The following DUSP4 variants were observed in gnomAD, a reference collection of about 807,000 sequenced individuals.
DUSP4 encodes the protein dual specificity phosphatase 4.
DUSP4 carries 12 observed loss-of-function variants against 27.2 expected under a neutral mutation model. The ratio of observed to expected loss-of-function variants is 0.44; its 90% CI spans 0.28 to 0.71. DUSP4 has a LOEUF of 0.71. Ranked by LOEUF, DUSP4 falls within the 30% of genes least tolerant of loss-of-function variation. The probability of loss-of-function intolerance (pLI) is 0.14; values close to 1 mark genes in which losing one functional copy is unlikely to be tolerated. For synonymous variants in DUSP4, 257 were observed against 245.2 expected (o/e 1.05, Z -0.45); for missense variants, 448 against 551.3 (o/e 0.81, Z 1.88).
intron 1 of DUSP4, among the ~76,000 whole-genome samples, chr8:29,345,003 G>A (rs796193873): frequency 6.6e-6 from 1 of 152,012 alleles, no homozygotes; most frequent in Non-Finnish European, 1.5e-5. Context: ...CATCTCGCCC[G>A]GCTAATTTTT....
Position 29,337,521 on chromosome 8 carries a change from G to C in DUSP4, c.800-110C>G. 7.0e-7 allele frequency: 1 copy of C among 1,436,188 alleles called. No homozygotes were observed. Among genetic ancestry groups the C allele is most frequent in the South Asian group, 1.4e-5 (1 of 72,012 alleles). 89.0% of individuals were successfully genotyped at this position (1,436,188 alleles called of 1,614,324 possible). The stretch of plus-strand genomic sequence containing the variant: ...GGGCTCTGAAGGAAGGACTAGCCGT[G>C]CTAGACCAAGGACTGGAGAGGAAGA... On this transcript the variant is annotated intron_variant, in intron 3 of 3. Transcript: ENST00000240100. This position sits in a 1 kb window ranked among gnomAD's most constrained non-coding sequence, Gnocchi z 6.4.
intron 2 of DUSP4, among the ~76,000 whole-genome samples, chr8:29,338,960 G>A (rs966282201): frequency 6.6e-6 from 1 of 152,204 alleles, no homozygotes; most frequent in South Asian, 2.1e-4. Context: ...AGGAGGCTGA[G>A]GTGGCAGGAT....
At chr8:29,348,679 CA>C in intron 1 of DUSP4, 1 of 985,424 alleles carries the variant, frequency 1.0e-6, no homozygotes, top group Non-Finnish European at 1.2e-6. Context: ...GCCCCCTTTC[CA>C]GCTCCCTTCC....
rs370187195 is a variant in DUSP4, at chr8:29,337,951, A to AAAAT, written c.799+327_799+330dup. Among the ~76,000 whole-genome samples, 2 of 152,122 alleles carry AAAAT rather than the reference A, an allele frequency of 1.3e-5. No individual in the cohort carries two copies. The highest frequency in any genetic ancestry group is 1.9e-4 in the East Asian group (1 of 5,196). ...GGGCAACAGAGCAAGGCTCTGTCTC[A>AAAAT]AAATAAATAAATAAATAGAAATAAA... On this transcript the variant is annotated intron_variant, in intron 3 of 3. Coordinates refer to ENST00000240100, the MANE Select transcript of DUSP4 (RefSeq NM_001394.7). This position sits in a 1 kb window ranked among gnomAD's most constrained non-coding sequence, Gnocchi z 6.4.
intron 1 of DUSP4, chr8:29,347,697 G>A: frequency 2.1e-6 from 2 of 963,950 alleles, no homozygotes; most frequent in Non-Finnish European, 2.5e-6. Flanking sequence ...CCGACTACGA[G>A]AGGCAGTGCA....
intron 2 of DUSP4, among the ~76,000 whole-genome samples, chr8:29,339,235 A>G (rs1025642852): frequency 1.3e-5 from 2 of 152,218 alleles, no homozygotes; most frequent in Non-Finnish European, 2.9e-5. Flanking sequence ...CAGACAAGAG[A>G]GAGGATCTTG....
At chr8:29,346,444 G>A (rs1817735747) in intron 1 of DUSP4, among the ~76,000 whole-genome samples, 1 of 152,138 alleles carries the variant, frequency 6.6e-6, no homozygotes, top group African/African-American at 2.4e-5. Context: ...AAAGAATAGG[G>A]TAAGAAAAAG....
At position 29,337,405 on chromosome 8, in the gene DUSP4, A is replaced by G. The variant is rs749054331; in HGVS notation, c.806T>C (p.Val269Ala). The G allele has an allele frequency of 6.2e-7, 1 of 1,603,304 alleles. No individual in the cohort carries two copies. Among genetic ancestry groups the G allele is most frequent in the Non-Finnish European group, 8.5e-7 (1 of 1,177,508 alleles). Residue 269 changes from valine to alanine, a missense_variant, in exon 4 of 4, where the codon GTG becomes GCG. By Grantham distance (64) the Val-to-Ala change is moderately conservative. Transcript: ENST00000240100. The surrounding 1 kb of genome is among the most constrained non-coding windows in gnomAD (Gnocchi z 6.4). The stretch of plus-strand genomic sequence containing the variant: ...CAGCACGCGCCCACGGCAGTCCTTC[A>G]CGGCATCTGGGGACAGGGTTCAATA... ...FMEAIEYIDA[V>A]KDCRGRVLVH... is the part of the protein sequence containing the mutation.
intron 1 of DUSP4, chr8:29,345,782 T>C: frequency 6.3e-6 from 8 of 1,263,404 alleles, no homozygotes; most frequent in Non-Finnish European, 7.9e-6. Context: ...CCTACATCTG[T>C]CTTTAGTTAC....
In DUSP4 at chr8:29,337,454, C is replaced by CCCAGCCCCGACCAGGGGCACCGG. The variant is rs745783011; in HGVS notation, c.800-66_800-44dup. 15 of 1,541,566 alleles carry CCCAGCCCCGACCAGGGGCACCGG rather than the reference C, an allele frequency of 9.7e-6. No individual in the cohort carries two copies. The highest frequency in any genetic ancestry group is 2.7e-5 in the African/African-American group (2 of 73,384). On this transcript the variant is annotated intron_variant, in intron 3 of 3. Coordinates refer to ENST00000240100, the MANE Select transcript of DUSP4 (RefSeq NM_001394.7). This position sits in a 1 kb window ranked among gnomAD's most constrained non-coding sequence, Gnocchi z 6.4. ...TAGGTTAGTGCACGTTTCTGCAGACCCCAGCCCCGACCAGGGGCACCGGCC... is the reference window on the plus strand; with the variant it reads ...TAGGTTAGTGCACGTTTCTGCAGACCCCAGCCCCGACCAGGGGCACCGGCCAGCCCCGACCAGGGGCACCGGCC...
chr8:29,346,528 G>A (rs1335716424), intron 1 of DUSP4, among the ~76,000 whole-genome samples: 1 of 152,088 alleles, frequency 6.6e-6, no homozygotes, highest in Admixed American at 6.5e-5. Flanking sequence ...AGAGAGAAAG[G>A]GATTTCAAGA....
chr8:29,346,050 G>A, intron 1 of DUSP4: 1 of 985,334 alleles, frequency 1.0e-6, no homozygotes, highest in Non-Finnish European at 1.2e-6. Context: ...CTGGGGAACT[G>A]AAGACAGAGA....
chr8:29,343,181 A>G (rs1817680095), intron 1 of DUSP4, among the ~76,000 whole-genome samples: 1 of 151,562 alleles, frequency 6.6e-6, no homozygotes, highest in Non-Finnish European at 1.5e-5. Context: ...AAAAAAAAAA[A>G]AAAAAGGAAC....
chr8:29,347,756 G>C (rs1216534165), intron 1 of DUSP4: 2 of 985,526 alleles, frequency 2.0e-6, no homozygotes, highest in Non-Finnish European at 2.4e-6. Context: ...TGTTGGCCAG[G>C]CACCTCGCCA....
chr8:29,340,437 G>C (rs192226367), intron 1 of DUSP4, among the ~76,000 whole-genome samples, 194 bp from the exon 2 acceptor site: 1 of 152,160 alleles, frequency 6.6e-6, no homozygotes, highest in African/African-American at 2.4e-5. Flanking sequence ...GGACACACTC[G>C]TCAGGACTGC....
intron 1 of DUSP4, among the ~76,000 whole-genome samples, chr8:29,344,897 G>A (rs114757595): frequency 0.01 from 1,588 of 151,846 alleles, 24 homozygotes; most frequent in African/African-American, 0.037. Context: ...CTGCAGTGCA[G>A]TGGCACGATT....
chr8:29,341,563 A>G (rs1349331728), intron 1 of DUSP4, among the ~76,000 whole-genome samples: 2 of 152,154 alleles, frequency 1.3e-5, no homozygotes, highest in Admixed American at 1.3e-4. Flanking sequence ...CTCTCTGGTC[A>G]CAGGCCCTTG....
intron 1 of DUSP4, chr8:29,347,873 G>C (rs1817757647): frequency 1.0e-6 from 1 of 985,690 alleles, no homozygotes. Flanking sequence ...AAATGGAGGA[G>C]GTTGGGGAGG....
intron 1 of DUSP4, chr8:29,345,919 A>G: frequency 2.0e-6 from 2 of 1,003,354 alleles, no homozygotes; most frequent in African/African-American, 3.5e-5. Flanking sequence ...GCATTGTATT[A>G]CATTTGTAAG....
Sources: allele counts gnomAD v4.1 joint callset (sites outside exome capture counted in the v4.1 genomes callset), GRCh38; gene constraint gnomAD v4.1.1; non-coding constraint Gnocchi (gnomAD v3.1); transcripts MANE v1.5; gene names NCBI Gene and HGNC (gene_info 2026-07-23, HGNC 2026-07-21).